The following CNST variants were observed in gnomAD, a reference collection of about 807,000 sequenced individuals.
CNST encodes the protein consortin, connexin sorting protein, also known as consortin.
A neutral mutation model predicts 72.4 loss-of-function variants in CNST; 39 were observed. That is an observed-to-expected ratio of 0.54 (90% CI 0.42 to 0.70). The LOEUF is 0.70. Ranked by LOEUF, CNST falls within the 30% of genes least tolerant of loss-of-function variation. The pLI, the probability that CNST is intolerant of heterozygous loss-of-function variation, is 0.00. For missense variants in CNST, 871 were observed against 868.5 expected, an observed-to-expected ratio of 1.00 and a Z score of -0.04; for synonymous variants, 332 against 320.1, an observed-to-expected ratio of 1.04 and a Z score of -0.40.
At chr1:246,658,258 G>A (rs747216147) in intron 9 of CNST, among the ~76,000 whole-genome samples, 2 of 151,268 alleles carry the variant, frequency 1.3e-5, no homozygotes, top group African/African-American at 2.4e-5. Flanking sequence ...TTTACAAACT[G>A]GTTAAGACTG....
At chr1:246,615,369 G>T (rs756825552) in intron 2 of CNST, among the ~76,000 whole-genome samples, 2 of 151,806 alleles carry the variant, frequency 1.3e-5, no homozygotes, top group Non-Finnish European at 2.9e-5. Context: ...TAGAGTCGGG[G>T]TTTCACCGTG....
rs184863620 is a variant in CNST, at chr1:246,662,529, C to T, written c.1972+2195C>T. 1.2e-4 allele frequency among the ~76,000 whole-genome samples: 19 copies of T among 152,278 alleles called. No individual in the cohort carries two copies. In the East Asian group the frequency reaches 3.5e-3, roughly 28 times the overall value. The stretch of plus-strand genomic sequence containing the variant: ...TCAGCCTCCCAGGTAGCTGGGATTA[C>T]AGGCATGTTCCCCGACGCCTGGCTA... On this transcript the variant is annotated intron_variant, in intron 10 of 10. Transcript: ENST00000366513.
chr1:246,588,038 T>A (rs1246276835), intron 1 of CNST, among the ~76,000 whole-genome samples: 1 of 152,184 alleles, frequency 6.6e-6, no homozygotes, highest in East Asian at 1.9e-4. Flanking sequence ...TGTAACTTTG[T>A]CACATTTTTA....
chr1:246,634,688 G>A, intron 6 of CNST, 101 bp downstream of exon 6: 2 of 694,442 alleles, frequency 2.9e-6, no homozygotes, highest in Non-Finnish European at 4.9e-6. Context: ...TTCAACTGGA[G>A]AAATTAAGAT....
intron 2 of CNST, among the ~76,000 whole-genome samples, chr1:246,618,240 C>A (rs1169628555): frequency 6.6e-6 from 1 of 152,188 alleles, no homozygotes; most frequent in Non-Finnish European, 1.5e-5. Flanking sequence ...ACTTCTCTAT[C>A]CAATCTCTTC....
intron 1 of CNST, among the ~76,000 whole-genome samples, chr1:246,586,349 AAAT>A (rs1245906103): frequency 6.8e-6 from 1 of 147,992 alleles, no homozygotes. Context: ...TATATGAGAT[AAAT>A]AAGATACATA....
chr1:246,665,728 G>T lies in CNST; in HGVS notation c.2001G>T (p.Leu667Phe). 1 of 1,613,304 alleles carries T rather than the reference G, an allele frequency of 6.2e-7. No individual in the cohort carries two copies. Among genetic ancestry groups the T allele is most frequent in the Admixed American group, 1.7e-5 (1 of 60,020 alleles). The change falls in exon 11 of 11, where the codon TTG becomes TTT. Residue 667 changes from leucine to phenylalanine, a missense_variant. Physicochemically the swap from Leu to Phe is conservative, Grantham distance 22. Coordinates refer to ENST00000366513, the MANE Select transcript of CNST (RefSeq NM_152609.3). The part of the protein sequence containing the change: ...QDEVGGGSCI[L>F]LVLLCIATVF... ...AAGTTGGAGGTGGCTCCTGTATTTTGCTGGTCTTGCTGTGCATAGCAACGG... is the reference window on the plus strand; with the variant it reads ...AAGTTGGAGGTGGCTCCTGTATTTTTCTGGTCTTGCTGTGCATAGCAACGG...
At chr1:246,648,288 A>G (rs1666244877) in intron 9 of CNST, 2 of 1,144,004 alleles carry the variant, frequency 1.7e-6, no homozygotes, top group Admixed American at 4.2e-5. Flanking sequence ...GCGTTATTGT[A>G]TATATCCATT....
chr1:246,593,699 A>C (rs565149108), intron 2 of CNST, among the ~76,000 whole-genome samples: 20 of 152,258 alleles, frequency 1.3e-4, no homozygotes, highest in Non-Finnish European at 1.8e-4. Context: ...ATGTATATAT[A>C]AATCAGTTTA....
At chr1:246,643,312 G>A (rs543924682) in intron 8 of CNST, among the ~76,000 whole-genome samples, 14 of 152,236 alleles carry the variant, frequency 9.2e-5, no homozygotes, top group African/African-American at 1.9e-4. Context: ...CTGTTCTTCC[G>A]TCTTTTCCAG....
intron 1 of CNST, among the ~76,000 whole-genome samples, chr1:246,581,150 G>C (rs1217943351): frequency 6.6e-6 from 1 of 152,204 alleles, no homozygotes; most frequent in East Asian, 1.9e-4. Flanking sequence ...TTTCTGTCCT[G>C]TATTTTCATT....
chr1:246,568,873 CT>C (rs1338573016), intron 1 of CNST, among the ~76,000 whole-genome samples: 2 of 152,200 alleles, frequency 1.3e-5, no homozygotes, highest in African/African-American at 4.8e-5. Flanking sequence ...CTTTAAAATA[CT>C]TTTTTTCTTG....
intron 3 of CNST, among the ~76,000 whole-genome samples, chr1:246,622,314 C>T (rs1444261140): frequency 6.6e-6 from 1 of 152,158 alleles, no homozygotes; most frequent in Middle Eastern, 3.2e-3. Context: ...AGCAACGGTT[C>T]TATCGATAAG....
intron 6 of CNST, among the ~76,000 whole-genome samples, chr1:246,637,658 T>G (rs769645573): frequency 2.0e-5 from 3 of 152,182 alleles, no homozygotes; most frequent in Admixed American, 1.3e-4. Context: ...TGTTTTCAAG[T>G]TTGCCTGAAG....
chr1:246,621,355 T>C, intron 2 of CNST, 74 bp from the exon 3 acceptor site: 1 of 1,164,224 alleles, frequency 8.6e-7, no homozygotes, highest in Non-Finnish European at 1.3e-6. Flanking sequence ...CATCAAACTA[T>C]ATGTAATTGT....
At chr1:246,578,898 G>A (rs1321004363) in intron 1 of CNST, among the ~76,000 whole-genome samples, 1 of 152,124 alleles carries the variant, frequency 6.6e-6, no homozygotes, top group Non-Finnish European at 1.5e-5. Flanking sequence ...CTTTGGATGA[G>A]TTGCTTTACC....
At chr1:246,633,229 C>G (rs888681570) in intron 4 of CNST, among the ~76,000 whole-genome samples, 5 of 152,090 alleles carry the variant, frequency 3.3e-5, no homozygotes, top group Admixed American at 3.3e-4. Flanking sequence ...GCAGGCAGAT[C>G]GCTTGAGGTC....
chr1:246,602,897 G>GT (rs5782399), intron 2 of CNST, among the ~76,000 whole-genome samples: 59,271 of 149,236 alleles, frequency 0.4, 12,349 homozygotes, highest in East Asian at 0.66. Context: ...TTTTTGTCTA[G>GT]TTTTTTTTTT....
chr1:246,569,459 T>G (rs1659931698), intron 1 of CNST, among the ~76,000 whole-genome samples: 1 of 152,228 alleles, frequency 6.6e-6, no homozygotes, highest in Non-Finnish European at 1.5e-5. Flanking sequence ...CTTCCTACAC[T>G]GAGAGTCTGA....
Sources: allele counts gnomAD v4.1 joint callset (sites outside exome capture counted in the v4.1 genomes callset), GRCh38; gene constraint gnomAD v4.1.1; transcripts MANE v1.5; gene names NCBI Gene and HGNC (gene_info 2026-07-23, HGNC 2026-07-21).